Variants in DNAH6 observed in about 807,000 individuals in gnomAD.
DNAH6 encodes the protein axonemal beta dynein heavy chain 6.
Under a neutral mutation model 491.4 loss-of-function variants are expected in DNAH6, and 340 were observed. The ratio of observed to expected loss-of-function variants is 0.69; its 90% CI spans 0.63 to 0.76. DNAH6 has a LOEUF of 0.76. DNAH6 is among the 30% of genes least tolerant of loss of function. DNAH6 has a pLI of 0.00. For missense variants in DNAH6, 4,443 were observed against 4,972.2 expected, an observed-to-expected ratio of 0.89 and a Z score of 3.20; for synonymous variants, 1,603 against 1,686.1, an observed-to-expected ratio of 0.95 and a Z score of 1.21.
Position 84,699,594 on chromosome 2 carries a change from G to A in DNAH6, c.7678G>A (p.Val2560Met), listed in dbSNP as rs193184813. The change falls in exon 48 of 77, where the codon GTG becomes ATG. Residue 2560 changes from valine (V) to methionine (M), a missense_variant and splice_region_variant. This residue lies in a region of DNAH6 where 2,977 missense variants were observed against 3,296.6 expected (regional missense o/e 0.90). Coordinates refer to ENST00000389394, the MANE Select transcript of DNAH6 (RefSeq NM_001370.2). The part of the protein sequence containing the change: ...VGISEGNRDE[V>M]FQYFISKVRQ... ...GAAAAAATAACTTTCTTTTTGTCAG[G>A]TGTTTCAATACTTTATCAGCAAAGT... 2.6e-6 allele frequency: 4 copies of A among 1,544,538 alleles called. No individual in the cohort carries two copies. Among genetic ancestry groups the A allele is most frequent in the African/African-American group, 1.4e-5 (1 of 72,794 alleles).
chr2:84,717,695 G>A (rs1385266863), intron 58 of DNAH6, among the ~76,000 whole-genome samples: 1 of 152,222 alleles, frequency 6.6e-6, no homozygotes, highest in African/African-American at 2.4e-5. Flanking sequence ...GAGAGAACAA[G>A]TGAAGGGAGA....
chr2:84,623,018 A>AT (rs1687539529), intron 26 of DNAH6, among the ~76,000 whole-genome samples: 1 of 152,068 alleles, frequency 6.6e-6, no homozygotes, highest in African/African-American at 2.4e-5. Flanking sequence ...TCAAGTTTTA[A>AT]TTGGGTTATT....
chr2:84,801,933 G>A (rs1242473487), intron 70 of DNAH6, among the ~76,000 whole-genome samples: 1 of 150,606 alleles, frequency 6.6e-6, no homozygotes, highest in Non-Finnish European at 1.5e-5. Flanking sequence ...AGGGATTCCA[G>A]CAAAGACTTT....
the DNAH6 span, among the ~76,000 whole-genome samples, chr2:84,490,344 C>A: frequency 1.3e-5 from 2 of 151,846 alleles, no homozygotes; most frequent in Non-Finnish European, 2.9e-5. Context: ...CAGTAAACAG[C>A]ACCCTTTTAA....
the DNAH6 span, among the ~76,000 whole-genome samples, chr2:84,503,665 A>G: frequency 6.6e-6 from 1 of 151,896 alleles, no homozygotes; most frequent in African/African-American, 2.4e-5. Flanking sequence ...TTCACCAGAC[A>G]AACTATTCTA....
chr2:84,735,941 C>G (rs1699504114), intron 62 of DNAH6, among the ~76,000 whole-genome samples: 1 of 152,048 alleles, frequency 6.6e-6, no homozygotes, highest in Admixed American at 6.6e-5. Context: ...AAATACTTTG[C>G]CTAGGCCAAT....
intron 51 of DNAH6, 54 bp downstream of exon 51, chr2:84,704,356 G>C: frequency 7.7e-7 from 1 of 1,306,736 alleles, no homozygotes; most frequent in Non-Finnish European, 1.1e-6. Context: ...GTTCTTTACT[G>C]TTTTCCTCCA....
In DNAH6 at chr2:84,634,891, G is replaced by A. The variant is rs191517092; in HGVS notation, c.4653+250G>A. Among the ~76,000 whole-genome samples the A allele has an allele frequency of 2.0e-5, 3 of 152,268 alleles. No homozygotes were observed. In the East Asian group the frequency reaches 5.8e-4, roughly 29 times the overall value. ...CTTATTAGCATGTCTCTAGAGAAGG[G>A]ATTTCATATTCAGAAGCTGATGGCA... On this transcript the variant is annotated intron_variant, in intron 30 of 76. Coordinates refer to ENST00000389394, the MANE Select transcript of DNAH6 (RefSeq NM_001370.2).
intron 18 of DNAH6, among the ~76,000 whole-genome samples, chr2:84,603,180 C>G (rs1573183476): frequency 6.6e-6 from 1 of 151,930 alleles, no homozygotes; most frequent in East Asian, 1.9e-4. Context: ...AGCCAGGTAT[C>G]TTATATAGTA....
chr2:84,784,168 A>G (rs1002505027), intron 65 of DNAH6, among the ~76,000 whole-genome samples: 7 of 152,210 alleles, frequency 4.6e-5, no homozygotes, highest in Non-Finnish European at 2.9e-5. Context: ...AGTGGAGCTC[A>G]TTCTTTCTTG....
Position 84,577,423 on chromosome 2 carries a change from GAA to G in DNAH6, c.2076+23_2076+24del. 6.7e-7 allele frequency: 1 copy of G among 1,503,200 alleles called. No individual in the cohort carries two copies. 93.1% of individuals were successfully genotyped at this position (1,503,200 alleles called of 1,614,324 possible). ...GATGCTTAGAGGTAACTATAAACTAGAAAAAAAAATAATTATTCCTCTACAAT... is the reference window on the plus strand; with the variant it reads ...GATGCTTAGAGGTAACTATAAACTAGAAAAAAATAATTATTCCTCTACAAT... On this transcript the variant is annotated intron_variant, in intron 13 of 76. Transcript: ENST00000389394.
chr2:84,544,200 T>C (rs1459816152), intron 4 of DNAH6, 33 bp from the exon 5 acceptor site: 6 of 1,177,106 alleles, frequency 5.1e-6, no homozygotes, highest in Admixed American at 5.4e-5. Flanking sequence ...TTGAATACTT[T>C]ATTTATTAGT....
intron 11 of DNAH6, among the ~76,000 whole-genome samples, chr2:84,564,421 T>G (rs1680969882): frequency 6.6e-6 from 1 of 152,182 alleles, no homozygotes; most frequent in African/African-American, 2.4e-5. Flanking sequence ...GCTGTATTCC[T>G]GGGCATTTCA....
At chr2:84,540,255 A>T (rs2104504235) in intron 4 of DNAH6, among the ~76,000 whole-genome samples, 1 of 152,288 alleles carries the variant, frequency 6.6e-6, no homozygotes, top group Admixed American at 6.5e-5. Flanking sequence ...CTGATTGAAG[A>T]GGATGATTTG....
intron 59 of DNAH6, among the ~76,000 whole-genome samples, chr2:84,720,082 CTGTT>C (rs1260540090): frequency 1.3e-5 from 2 of 152,080 alleles, no homozygotes; most frequent in Non-Finnish European, 2.9e-5. Context: ...CCCAGTCACT[CTGTT>C]TTAGTTCCTT....
At chr2:84,748,802 C>G (rs1350930068) in intron 63 of DNAH6, among the ~76,000 whole-genome samples, 1 of 152,166 alleles carries the variant, frequency 6.6e-6, no homozygotes, top group Admixed American at 6.5e-5. Context: ...TTTAGAAATA[C>G]CTGAGGCTGG....
chr2:84,515,978 C>T (rs951487776), upstream of DNAH6, among the ~76,000 whole-genome samples: 2 of 152,132 alleles, frequency 1.3e-5, no homozygotes, highest in African/African-American at 4.8e-5. Context: ...GAAGAGGAGG[C>T]CACATTTCTT....
chr2:84,658,253 T>G lies in DNAH6; in HGVS notation c.5758-39T>G, dbSNP rs1362430808. On this transcript the variant is annotated intron_variant, in intron 35 of 76. Coordinates refer to ENST00000389394, the MANE Select transcript of DNAH6 (RefSeq NM_001370.2). ...CTAATTCTAAACTTAATTATATATT[T>G]ATCAGGTCTTGCTAAACTATCATTT... The G allele has an allele frequency of 8.9e-6, 12 of 1,346,242 alleles. No homozygotes were observed. In the South Asian group the frequency reaches 2.0e-4, roughly 22 times the overall value. 83.4% of individuals were successfully genotyped at this position (1,346,242 alleles called of 1,614,324 possible). A position where few individuals can be genotyped will look rare whatever the true frequency, so the allele number is the denominator to read the frequency against.
intron 11 of DNAH6, among the ~76,000 whole-genome samples, chr2:84,570,822 A>G (rs188300497): frequency 1.3e-4 from 20 of 152,286 alleles, no homozygotes; most frequent in South Asian, 4.1e-4. Flanking sequence ...GCTCTTCTCA[A>G]TAAATGTTGC....
Sources: allele counts gnomAD v4.1 joint callset (sites outside exome capture counted in the v4.1 genomes callset), GRCh38; gene constraint gnomAD v4.1.1; regional missense constraint gnomAD v4.1.1; transcripts MANE v1.5; gene names NCBI Gene and HGNC (gene_info 2026-07-23, HGNC 2026-07-21).